The following CLVS1 variants were observed in gnomAD, a reference collection of about 807,000 sequenced individuals.
The protein encoded by CLVS1 is clavesin 1, also known as clavesin-1.
In CLVS1, 10 loss-of-function variants were observed where a neutral mutation model predicts 33.1. The ratio of observed to expected loss-of-function variants is 0.30; its 90% CI spans 0.19 to 0.51. The LOEUF (loss-of-function observed/expected upper bound fraction) is 0.51, where lower values mean the gene tolerates loss of function less well. Ranked by LOEUF, CLVS1 falls within the 20% of genes least tolerant of loss-of-function variation. The pLI, the probability that CLVS1 is intolerant of heterozygous loss-of-function variation, is 0.97. For missense variants in CLVS1, 343 were observed against 433.4 expected (o/e 0.79, Z 1.85); for synonymous variants, 163 against 166.1 (o/e 0.98, Z 0.14).
intron 2 of CLVS1, among the ~76,000 whole-genome samples, chr8:61,336,472 G>C (rs778089064): frequency 6.6e-6 from 1 of 152,042 alleles, no homozygotes; most frequent in East Asian, 1.9e-4. Context: ...CTGCACAAAG[G>C]GTCCTCACCA....
At chr8:61,278,008 G>C (rs1446393738) in intron 2 of CLVS1, among the ~76,000 whole-genome samples, 1 of 152,098 alleles carries the variant, frequency 6.6e-6, no homozygotes, top group Non-Finnish European at 1.5e-5. Context: ...GTCCTAGAAG[G>C]GTCTAAAGCT....
rs1226487549 is a variant in CLVS1, at chr8:61,234,893, CTGCTA to C, written c.-151-64781_-151-64777del. 2.0e-5 allele frequency among the ~76,000 whole-genome samples: 3 copies of C among 152,170 alleles called. No individual in the cohort carries two copies. In the East Asian group the frequency reaches 5.8e-4, roughly 29 times the overall value. ...AAAAAAAATAGAATGGACAGAATGGCTGCTATGGTTAGCTTCTACCCTGCATCTCT... is the reference window on the plus strand; with the variant it reads ...AAAAAAAATAGAATGGACAGAATGGCTGGTTAGCTTCTACCCTGCATCTCT... On this transcript the variant is annotated intron_variant, in intron 2 of 2. Transcript: ENST00000522621.
intron 2 of CLVS1, among the ~76,000 whole-genome samples, chr8:61,232,041 T>TTTTTTTTTTTTGTTTTGTTTTG (rs1554548394): frequency 2.2e-3 from 253 of 115,970 alleles, no homozygotes; most frequent in South Asian, 7.9e-3. Context: ...TTTTTTTTTT[T>TTTTTTTTTTTTGTTTTGTTTTG]TTTTTTTTTG....
the CLVS1 span, among the ~76,000 whole-genome samples, chr8:61,041,420 A>C: frequency 6.6e-6 from 1 of 152,330 alleles, no homozygotes; most frequent in African/African-American, 2.4e-5. Flanking sequence ...TGTTTTGAGC[A>C]GTATGACCAT....
Position 61,325,694 on chromosome 8 carries a change from A to G in CLVS1, c.455+25412A>G, listed in dbSNP as rs79834378. Among the ~76,000 whole-genome samples the G allele has an allele frequency of 2.5e-3, 382 of 152,296 alleles. 11 individuals carry two copies. In the East Asian group the frequency reaches 0.068, roughly 27 times the overall value. On this transcript the variant is annotated intron_variant, in intron 2 of 5. Coordinates refer to ENST00000325897, the MANE Select transcript of CLVS1 (RefSeq NM_173519.3). ...TCTAAAAGCTTTCTGAAGTTTTAAC[A>G]AAGTCCAGCAACCATAGCTGTGATT...
intron 5 of CLVS1, 95 bp from the exon 6 acceptor site, chr8:61,499,360 A>AAAAG (rs1804457643): frequency 4.6e-6 from 3 of 659,276 alleles, no homozygotes; most frequent in Admixed American, 5.0e-5. Context: ...GTGTCTATTA[A>AAAAG]AAAGAGAAAT....
intron 1 of CLVS1, among the ~76,000 whole-genome samples, chr8:61,068,223 G>GTATATATATATATA (rs71521932): frequency 9.5e-6 from 1 of 105,178 alleles, no homozygotes; most frequent in African/African-American, 5.3e-5. Context: ...ATATATGTAT[G>GTATATATATATATA]TATGTGTATA....
intron 2 of CLVS1, among the ~76,000 whole-genome samples, chr8:61,330,387 G>A (rs952712872): frequency 1.5e-4 from 23 of 152,166 alleles, no homozygotes; most frequent in Non-Finnish European, 2.8e-4. Flanking sequence ...AAGAAAAGAG[G>A]AGAAAGGAAT....
In CLVS1 at chr8:61,121,673, A is replaced by T. The variant is rs116431422; in HGVS notation, c.-242-10097A>T. Reference sequence around the variant, plus strand: ...TTGTGGCCTGTGAAATCAAAGAGAGATGCTGAACATTTCAAGTATGTTCTT... The same window carrying T: ...TTGTGGCCTGTGAAATCAAAGAGAGTTGCTGAACATTTCAAGTATGTTCTT... On this transcript the variant is annotated intron_variant, in intron 1 of 2. Coordinates refer to the CLVS1 transcript ENST00000522621. Among the ~76,000 whole-genome samples the T allele has an allele frequency of 2.7e-3, 413 of 152,312 alleles. 3 individuals carry two copies. The highest frequency in any genetic ancestry group is 9.4e-3 in the African/African-American group (390 of 41,558).
intron 5 of CLVS1, among the ~76,000 whole-genome samples, chr8:61,483,398 G>A (rs1238364631): frequency 2.6e-5 from 4 of 152,190 alleles, no homozygotes; most frequent in Non-Finnish European, 5.9e-5. Flanking sequence ...CCAGGAAGAA[G>A]TTGAATCCCT....
rs1804548496 is a variant in CLVS1, at chr8:61,500,147, A to ATTATT, written c.*608_*612dup. On this transcript the variant is annotated 3_prime_UTR_variant, in exon 6 of 6. Coordinates refer to ENST00000325897, the MANE Select transcript of CLVS1 (RefSeq NM_173519.3). ...TTATTTTGATGATATCCTGCAAAAA[A>ATTATT]TTATTTTGATGTCACATCTCTTGTC... is the stretch of plus-strand genomic sequence containing the variant. 6.6e-6 allele frequency: 1 copy of ATTATT among 152,644 alleles called. No homozygotes were observed. The highest frequency in any genetic ancestry group is 6.5e-5 in the Admixed American group (1 of 15,288). The allele number at this position is 152,644 out of a possible 1,614,324, so 9.5% of individuals were successfully genotyped here. A position where few individuals can be genotyped will look rare whatever the true frequency, so the allele number is the denominator to read the frequency against.
At chr8:61,024,156 T>C in the CLVS1 span, among the ~76,000 whole-genome samples, 1 of 152,208 alleles carries the variant, frequency 6.6e-6, no homozygotes, top group Non-Finnish European at 1.5e-5. Context: ...AATTTTGTCA[T>C]GTGTTATGTT....
chr8:61,469,101 A>G (rs779964903), intron 5 of CLVS1, among the ~76,000 whole-genome samples: 14 of 152,226 alleles, frequency 9.2e-5, no homozygotes, highest in Admixed American at 2.0e-4. Context: ...TATCCTGGCC[A>G]TGACCACTCA....
At chr8:61,135,902 T>G (rs1806184029) in intron 2 of CLVS1, among the ~76,000 whole-genome samples, 1 of 152,196 alleles carries the variant, frequency 6.6e-6, no homozygotes, top group African/African-American at 2.4e-5. Context: ...CAGAGAGGGC[T>G]CCCCGCTGGG....
chr8:61,171,804 G>C (rs369025937), intron 2 of CLVS1, among the ~76,000 whole-genome samples: 10 of 152,148 alleles, frequency 6.6e-5, no homozygotes, highest in African/African-American at 2.2e-4. Context: ...CTAAAAACAG[G>C]CACCACATGA....
intron 1 of CLVS1, among the ~76,000 whole-genome samples, chr8:61,091,372 T>G (rs1320352703): frequency 6.6e-6 from 1 of 152,240 alleles, no homozygotes; most frequent in Non-Finnish European, 1.5e-5. Flanking sequence ...TAAGACAACA[T>G]GTTTTGTTGT....
At chr8:61,376,484 C>A (rs2129601546) in intron 2 of CLVS1, 121 bp from the exon 3 acceptor site, 1 of 832,730 alleles carries the variant, frequency 1.2e-6, no homozygotes, top group Non-Finnish European at 1.9e-6. Flanking sequence ...TACAGGACGC[C>A]AGTGTGACCC....
intron 1 of CLVS1, among the ~76,000 whole-genome samples, chr8:61,107,859 C>A (rs1227122708): frequency 1.3e-5 from 2 of 152,124 alleles, no homozygotes; most frequent in Non-Finnish European, 2.9e-5. Context: ...AATTGTGAAC[C>A]AACATATTTT....
chr8:61,057,410 A>C (rs113370228), intron 1 of CLVS1, among the ~76,000 whole-genome samples: 3 of 125,768 alleles, frequency 2.4e-5, no homozygotes, highest in Non-Finnish European at 5.0e-5. Context: ...ACACACACAC[A>C]CACCCCATCC....
Sources: gnomAD v4.1 joint callset for allele counts (sites outside exome capture counted in the v4.1 genomes callset) on GRCh38, gnomAD v4.1.1 for gene constraint, MANE v1.5 for transcripts, NCBI Gene and HGNC (gene_info 2026-07-23, HGNC 2026-07-21) for gene names.